The following CNTN6 variants were observed in gnomAD, a reference collection of about 807,000 sequenced individuals.
The protein encoded by CNTN6 is contactin-6.
CNTN6 carries 137 observed loss-of-function variants against 122.8 expected under a neutral mutation model. The observed-to-expected ratio is 1.12, with a 90% CI of 0.97 to 1.29. The LOEUF (loss-of-function observed/expected upper bound fraction) is 1.29, where lower values mean the gene tolerates loss of function less well. Among genes scored for constraint, CNTN6 ranks in the 50% most tolerant of loss-of-function variants. The probability of loss-of-function intolerance (pLI) is 0.00; values close to 1 mark genes in which losing one functional copy is unlikely to be tolerated. For missense variants in CNTN6, 1,634 were observed against 1,223.4 expected (o/e 1.34, Z -5.01); for synonymous variants, 570 against 426.0 (o/e 1.34, Z -4.16).
chr3:1,380,400 AT>A (rs1017920867), intron 17 of CNTN6, among the ~76,000 whole-genome samples: 2 of 152,128 alleles, frequency 1.3e-5, no homozygotes, highest in African/African-American at 4.8e-5. Flanking sequence ...ATAATATCAA[AT>A]TTTTAGAATA....
At chr3:1,197,017 T>C (rs2093787344) in intron 2 of CNTN6, among the ~76,000 whole-genome samples, 1 of 152,214 alleles carries the variant, frequency 6.6e-6, no homozygotes, top group Non-Finnish European at 1.5e-5. Flanking sequence ...TCTTTTGCCA[T>C]TTGTGGATCT....
intron 20 of CNTN6, among the ~76,000 whole-genome samples, chr3:1,387,739 G>A (rs914800424): frequency 6.6e-6 from 1 of 152,124 alleles, no homozygotes; most frequent in African/African-American, 2.4e-5. Context: ...GCGAGGCATT[G>A]CCTCACTTGG....
chr3:1,175,533 C>A (rs1301220787), intron 2 of CNTN6, among the ~76,000 whole-genome samples: 2 of 152,260 alleles, frequency 1.3e-5, no homozygotes, highest in Admixed American at 6.5e-5. Context: ...AGGGACCAAA[C>A]TATATAGGAC....
At position 1,093,733 on chromosome 3, in the gene CNTN6, C is replaced by T. The variant is rs185206399; in HGVS notation, c.-83+613C>T. Among the ~76,000 whole-genome samples, 419 of 152,192 alleles carry T rather than the reference C, an allele frequency of 2.8e-3. 2 individuals are homozygous for T. Among genetic ancestry groups the T allele is most frequent in the African/African-American group, 9.4e-3 (392 of 41,524 alleles). On this transcript the variant is annotated intron_variant, in intron 1 of 22. Transcript: ENST00000446702. ...TAACAGCCTCTGGAGTTTCCTTTACCATTTACACCAGTTAAGTTGTCAGTA... is the reference window on the plus strand; with the variant it reads ...TAACAGCCTCTGGAGTTTCCTTTACTATTTACACCAGTTAAGTTGTCAGTA...
At chr3:1,310,683 A>G (rs938992545) in intron 7 of CNTN6, among the ~76,000 whole-genome samples, 3 of 152,166 alleles carry the variant, frequency 2.0e-5, no homozygotes, top group Admixed American at 1.3e-4. Flanking sequence ...GATTATGTAC[A>G]TAAAGAAGAA....
In CNTN6 at chr3:1,402,454, G is replaced by A. The variant is rs925154593; in HGVS notation, c.2954G>A (p.Ser985Asn). ...RTVSDGGDGS[S>N]SEEIRIPKMS... is the part of the protein sequence containing the mutation. Reference sequence around the variant, plus strand: ...GTCAGTGATGGTGGAGATGGAAGCAGCAGTGAGGAAATTAGGATTCCAAAA... The same window carrying A: ...GTCAGTGATGGTGGAGATGGAAGCAACAGTGAGGAAATTAGGATTCCAAAA... The change falls in exon 22 of 23, where the codon AGC becomes AAC. Residue 985 changes from serine to asparagine, a missense_variant. By Grantham distance (46) the Ser-to-Asn change is conservative. Coordinates refer to ENST00000446702, the MANE Select transcript of CNTN6 (RefSeq NM_001289080.2). The A allele has an allele frequency of 1.2e-6, 2 of 1,610,750 alleles. No individual in the cohort carries two copies. Among genetic ancestry groups the A allele is most frequent in the Non-Finnish European group, 1.7e-6 (2 of 1,177,738 alleles).
chr3:1,338,005 A>G (rs911070783), intron 11 of CNTN6, among the ~76,000 whole-genome samples: 21 of 152,170 alleles, frequency 1.4e-4, no homozygotes, highest in African/African-American at 5.1e-4. Flanking sequence ...GCTCCGGTTC[A>G]TTAAAGTTAT....
chr3:1,194,100 C>G (rs2093741579), intron 2 of CNTN6, among the ~76,000 whole-genome samples: 1 of 151,762 alleles, frequency 6.6e-6, no homozygotes, highest in African/African-American at 2.4e-5. Context: ...CTCTTTTTCT[C>G]ACAAATCCAG....
intron 5 of CNTN6, among the ~76,000 whole-genome samples, chr3:1,284,472 C>T (rs1333180280): frequency 6.6e-6 from 1 of 152,048 alleles, no homozygotes; most frequent in Non-Finnish European, 1.5e-5. Flanking sequence ...CAATAGTTGC[C>T]TCTTGGTATA....
chr3:1,322,828 T>A (rs1701048040), intron 8 of CNTN6, among the ~76,000 whole-genome samples: 1 of 151,720 alleles, frequency 6.6e-6, no homozygotes, highest in Non-Finnish European at 1.5e-5. Flanking sequence ...GAATATAATT[T>A]TCTACTCATT....
rs182404222 is a variant in CNTN6, at chr3:1,282,435, T to G, written c.454+3927T>G. Among the ~76,000 whole-genome samples, 308 of 152,366 alleles carry G rather than the reference T, an allele frequency of 2.0e-3. 3 individuals are homozygous for G. Among genetic ancestry groups the G allele is most frequent in the African/African-American group, 6.5e-3 (271 of 41,584 alleles). Reference sequence around the variant, plus strand: ...CGCTCTATTTTATCATTTCAAAATGTGGAAGCAGAATAGGCACCATTCTCT... The same window carrying G: ...CGCTCTATTTTATCATTTCAAAATGGGGAAGCAGAATAGGCACCATTCTCT... On this transcript the variant is annotated intron_variant, in intron 5 of 22. Coordinates refer to ENST00000446702, the MANE Select transcript of CNTN6 (RefSeq NM_001289080.2).
chr3:1,226,300 A>T (rs1461340722), intron 3 of CNTN6, among the ~76,000 whole-genome samples: 1 of 152,184 alleles, frequency 6.6e-6, no homozygotes, highest in Non-Finnish European at 1.5e-5. Flanking sequence ...AACCCTAAAA[A>T]ACACAGTTTG....
At chr3:1,122,366 GGAAGGAAGGAAGGGAGGAAT>G in intron 1 of CNTN6, among the ~76,000 whole-genome samples, 2 of 139,138 alleles carry the variant, frequency 1.4e-5, no homozygotes, top group Middle Eastern at 7.1e-3. Context: ...GAAGGAGGAA[GGAAGGAAGGAAGGGAGGAAT>G]GAAGGAGGAA....
intron 2 of CNTN6, among the ~76,000 whole-genome samples, chr3:1,194,817 T>C (rs1162903020): frequency 2.6e-5 from 4 of 152,166 alleles, no homozygotes; most frequent in Non-Finnish European, 5.9e-5. Context: ...ATCTTATTCC[T>C]TTTTTCCTGC....
chr3:1,270,276 A>C (rs944867548), intron 4 of CNTN6, among the ~76,000 whole-genome samples: 1 of 152,266 alleles, frequency 6.6e-6, no homozygotes, highest in Non-Finnish European at 1.5e-5. Context: ...AATAGGAAAT[A>C]GCAACATGAA....
chr3:1,253,585 G>T (rs987486126), intron 4 of CNTN6, among the ~76,000 whole-genome samples: 1 of 152,108 alleles, frequency 6.6e-6, no homozygotes, highest in Non-Finnish European at 1.5e-5. Context: ...GGTCATCTAA[G>T]GCAGGACAAT....
At chr3:1,252,809 G>A (rs1307449981) in intron 4 of CNTN6, among the ~76,000 whole-genome samples, 3 of 152,110 alleles carry the variant, frequency 2.0e-5, no homozygotes, top group Non-Finnish European at 4.4e-5. Flanking sequence ...ATGACCTAGA[G>A]AAACAGACAA....
At chr3:1,326,185 G>C (rs1037689003) in intron 9 of CNTN6, among the ~76,000 whole-genome samples, 2 of 151,750 alleles carry the variant, frequency 1.3e-5, no homozygotes, top group African/African-American at 4.8e-5. Context: ...ATCACTGTTA[G>C]CCAGTAATAG....
At chr3:1,357,375 G>A (rs1384281076) in intron 12 of CNTN6, among the ~76,000 whole-genome samples, 2 of 151,670 alleles carry the variant, frequency 1.3e-5, no homozygotes, top group East Asian at 3.9e-4. Context: ...TAGTTTTTAT[G>A]GTTATTCATC....
Sources: allele counts gnomAD v4.1 joint callset (sites outside exome capture counted in the v4.1 genomes callset), GRCh38; gene constraint gnomAD v4.1.1; transcripts MANE v1.5; gene names NCBI Gene and HGNC (gene_info 2026-07-23, HGNC 2026-07-21).